Variants in IRS1 observed in about 807,000 individuals in gnomAD.
IRS1 encodes the protein insulin receptor substrate 1.
Under a neutral mutation model 65.6 loss-of-function variants are expected in IRS1, and 34 were observed. The ratio of observed to expected loss-of-function variants is 0.52; its 90% CI spans 0.39 to 0.69. The LOEUF is 0.69. IRS1 is among the 30% of genes least tolerant of loss of function. The probability of loss-of-function intolerance (pLI) is 0.00; values close to 1 mark genes in which losing one functional copy is unlikely to be tolerated. For synonymous variants in IRS1, 699 were observed against 683.5 expected (o/e 1.02, Z -0.35); for missense variants, 1,641 against 1,720.2 (o/e 0.95, Z 0.81).
intron 1 of IRS1, among the ~76,000 whole-genome samples, chr2:226,766,183 A>T (rs1939044693): frequency 2.7e-4 from 2 of 7,450 alleles, no homozygotes; most frequent in African/African-American, 4.1e-4. Flanking sequence ...TTTTTTTTTG[A>T]GACAGGGTCT....
chr2:226,770,271 C>T (rs1438229110), intron 1 of IRS1, among the ~76,000 whole-genome samples: 1 of 152,096 alleles, frequency 6.6e-6, no homozygotes, highest in Non-Finnish European at 1.5e-5. Flanking sequence ...GCATCTTGCC[C>T]AATAGAATTT....
At chr2:226,771,793 C>G (rs2106172118) in intron 1 of IRS1, among the ~76,000 whole-genome samples, 1 of 152,194 alleles carries the variant, frequency 6.6e-6, no homozygotes, top group South Asian at 2.1e-4. Flanking sequence ...ATTCAGCACT[C>G]CCCAGTCATA....
chr2:226,753,105 T>C (rs920071886), intron 1 of IRS1, among the ~76,000 whole-genome samples: 4 of 152,212 alleles, frequency 2.6e-5, no homozygotes, highest in African/African-American at 7.2e-5. Context: ...TGGAAGGGAC[T>C]TGACACTGAA....
At chr2:226,783,431 CTTTA>C (rs1015144841) in intron 1 of IRS1, among the ~76,000 whole-genome samples, 1 of 152,104 alleles carries the variant, frequency 6.6e-6, no homozygotes, top group African/African-American at 2.4e-5. Context: ...TAGCATATTT[CTTTA>C]TTTACTTGTT....
At position 226,764,955 on chromosome 2, in the gene IRS1, C is replaced by T. The variant is rs1282164115; in HGVS notation, c.*22-28705G>A. 2.6e-5 allele frequency among the ~76,000 whole-genome samples: 4 copies of T among 152,352 alleles called. No individual in the cohort carries two copies. The South Asian group carries it at 6.2e-4, about 24-fold the overall frequency. On this transcript the variant is annotated intron_variant, in intron 1 of 1. Transcript: ENST00000305123. ...CGATAGTGTACTTAGAAGTCTATCGCACAAACTTTGTTTCTTGTTAATTTT... is the reference window on the plus strand; with the variant it reads ...CGATAGTGTACTTAGAAGTCTATCGTACAAACTTTGTTTCTTGTTAATTTT...
In IRS1 at chr2:226,740,979, C is replaced by T. The variant is rs558767789; in HGVS notation, c.*22-4729G>A. On this transcript the variant is annotated intron_variant, in intron 1 of 1. Transcript: ENST00000305123. ...AACAGCATATTTCTCTTTCAGTTAA[C>T]ATAAACAGCTGTGTGCTTTTTAAAA... is the stretch of plus-strand genomic sequence containing the variant. Among the ~76,000 whole-genome samples the T allele has an allele frequency of 2.0e-5, 3 of 151,826 alleles. No individual in the cohort carries two copies. In the East Asian group the frequency reaches 5.8e-4, roughly 29 times the overall value.
chr2:226,785,138 T>C (rs1311983328), intron 1 of IRS1, among the ~76,000 whole-genome samples: 1 of 152,204 alleles, frequency 6.6e-6, no homozygotes, highest in Non-Finnish European at 1.5e-5. Context: ...GACATTGGTA[T>C]CCAGAAAGTC....
intron 1 of IRS1, among the ~76,000 whole-genome samples, chr2:226,783,539 A>T (rs1425145961): frequency 6.6e-6 from 1 of 152,244 alleles, no homozygotes; most frequent in African/African-American, 2.4e-5. Flanking sequence ...ATGAATAGTT[A>T]TTTAAGGGAA....
intron 1 of IRS1, among the ~76,000 whole-genome samples, chr2:226,738,071 C>A (rs1372698203): frequency 6.6e-6 from 1 of 152,136 alleles, no homozygotes; most frequent in East Asian, 1.9e-4. Flanking sequence ...TGGTGAAGAA[C>A]CTTGAATGAC....
Position 226,795,624 on chromosome 2 carries a change from C to T in IRS1, c.3115G>A (p.Ala1039Thr). The T allele has an allele frequency of 1.9e-6, 3 of 1,612,610 alleles. No homozygotes were observed. Among genetic ancestry groups the T allele is most frequent in the East Asian group, 2.2e-5 (1 of 44,870 alleles). ...ATMAAASSSS[A>T]ASASPTGPQG... ...GGCCCAGTCGGGGAAGCAGAGGCTG[C>T]TGAGGATGAGGAGGCAGCAGCCATG... The change falls in exon 1 of 2, where the codon GCA (alanine) becomes ACA (threonine). Residue 1039 changes from alanine to threonine, a missense_variant. Physicochemically the swap from Ala to Thr is moderately conservative, Grantham distance 58 (BLOSUM62 0). Coordinates refer to ENST00000305123, the MANE Select transcript of IRS1 (RefSeq NM_005544.3).
chr2:226,752,761 G>A (rs1044516179), intron 1 of IRS1, among the ~76,000 whole-genome samples: 14 of 152,126 alleles, frequency 9.2e-5, no homozygotes, highest in Non-Finnish European at 2.9e-5. Context: ...CCTTTAAAAC[G>A]GTATCCAGTA....
At chr2:226,776,015 T>A (rs113227400) in intron 1 of IRS1, among the ~76,000 whole-genome samples, 36 of 152,252 alleles carry the variant, frequency 2.4e-4, no homozygotes, top group African/African-American at 8.2e-4. Context: ...GGGCAGACTG[T>A]ACATTCTCCA....
At chr2:226,763,918 T>A (rs1938972332) in intron 1 of IRS1, among the ~76,000 whole-genome samples, 1 of 152,168 alleles carries the variant, frequency 6.6e-6, no homozygotes, top group Admixed American at 6.6e-5. Flanking sequence ...CCTATGATAA[T>A]CTTTGGGCCA....
In IRS1 at chr2:226,795,490, C is replaced by G. The variant is rs368961254; in HGVS notation, c.3249G>C (p.Gln1083His). The change falls in exon 1 of 2, where the codon CAG (glutamine) becomes CAC (histidine). Residue 1083 changes from glutamine to histidine, a missense_variant. Coordinates refer to ENST00000305123, the MANE Select transcript of IRS1 (RefSeq NM_005544.3). ...TRVNLSPNRN[Q>H]SAKVIRADPQ... ...GGTCTGCACGGATCACTTTGGCACT[C>G]TGGTTGCGGTTAGGACTGAGGTTCA... 6.2e-7 allele frequency: 1 copy of G among 1,613,420 alleles called. No individual in the cohort carries two copies. Among genetic ancestry groups the G allele is most frequent in the African/African-American group, 1.3e-5 (1 of 74,930 alleles).
Position 226,796,730 on chromosome 2 carries a change from C to G in IRS1, c.2009G>C (p.Gly670Ala). 1 of 1,612,310 alleles carries G rather than the reference C, an allele frequency of 6.2e-7. No homozygotes were observed. Among genetic ancestry groups the G allele is most frequent in the Non-Finnish European group, 8.5e-7 (1 of 1,178,958 alleles). ...GCCACCTCCAATGTCAGGAGAGCAG[C>G]CACCGCTGGGGGACATCATCATGTA... ...NGYMMMSPSG[G>A]CSPDIGGGPS... Residue 670 changes from glycine to alanine, a missense_variant, in exon 1 of 2, where the codon GGC becomes GCC. This residue lies in a region of IRS1 where 1,324 missense variants were observed against 1,361.0 expected (regional missense o/e 0.97). Transcript: ENST00000305123.
At chr2:226,748,428 C>CAAAA (rs748065097) in intron 1 of IRS1, among the ~76,000 whole-genome samples, 3 of 49,664 alleles carry the variant, frequency 6.0e-5, no homozygotes, top group African/African-American at 1.5e-4. Flanking sequence ...GACTCTGTCT[C>CAAAA]AAAAAAAAAA....
intron 1 of IRS1, among the ~76,000 whole-genome samples, chr2:226,761,883 T>C (rs539905415): frequency 8.5e-5 from 13 of 152,350 alleles, no homozygotes; most frequent in South Asian, 2.1e-4. Context: ...CAGGTGGCAT[T>C]ATGTTCCATC....
intron 1 of IRS1, among the ~76,000 whole-genome samples, chr2:226,787,554 T>C (rs1274318000): frequency 6.6e-6 from 1 of 152,136 alleles, no homozygotes; most frequent in Non-Finnish European, 1.5e-5. Flanking sequence ...AGGTGTACTA[T>C]TTGGAACATG....
intron 1 of IRS1, among the ~76,000 whole-genome samples, chr2:226,778,016 T>A (rs908280077): frequency 1.3e-5 from 2 of 152,150 alleles, no homozygotes; most frequent in Non-Finnish European, 2.9e-5. Flanking sequence ...TTATAAATAT[T>A]TTTTCTAAGC....
Sources: gnomAD v4.1 joint callset for allele counts (sites outside exome capture counted in the v4.1 genomes callset) on GRCh38, gnomAD v4.1.1 for gene constraint, gnomAD v4.1.1 regional missense constraint, MANE v1.5 for transcripts, NCBI Gene and HGNC (gene_info 2026-07-23, HGNC 2026-07-21) for gene names.